STAT1: variants seen among roughly 807,000 people sequenced by gnomAD.
The protein encoded by STAT1 is signal transducer and activator of transcription 1, also known as signal transducer and activator of transcription 1-alpha/beta.
Under a neutral mutation model 111.7 loss-of-function variants are expected in STAT1, and 24 were observed. The ratio of observed to expected loss-of-function variants is 0.21; its 90% CI spans 0.16 to 0.30. The LOEUF (loss-of-function observed/expected upper bound fraction) is 0.30. Among genes scored for constraint, STAT1 ranks in the 10% least tolerant of loss-of-function variants. The pLI is 1.00. For missense variants in STAT1, 351 were observed against 911.9 expected (o/e 0.38, Z 7.92); for synonymous variants, 332 against 326.5 (o/e 1.02, Z -0.18).
rs541130237 is a variant in STAT1 at position 190,982,963 on chromosome 2, G to A, written c.1447-445C>T. 1.3e-5 allele frequency among the ~76,000 whole-genome samples: 2 copies of A among 152,180 alleles called. No homozygotes were observed. Among genetic ancestry groups the A allele is most frequent in the Non-Finnish European group, 2.9e-5 (2 of 68,028 alleles). On this transcript the variant is annotated intron_variant, in intron 17 of 24. Coordinates refer to ENST00000361099, the MANE Select transcript of STAT1 (RefSeq NM_007315.4). This position sits in a 1 kb window ranked among gnomAD's most constrained non-coding sequence, Gnocchi z 7.3. ...CTGTTGGTGATCCCTGTTTAAAATG[G>A]TGCCCGAGCATAGTACCACAGTGTG...
rs1045851098 is a variant in STAT1, at chr2:190,970,457, C to CT, written c.*245dup. The CT allele has an allele frequency of 5.3e-6, 3 of 567,272 alleles. No homozygotes were observed. Among genetic ancestry groups the CT allele is most frequent in the African/African-American group, 3.8e-5 (2 of 53,224 alleles). 35.1% of individuals were successfully genotyped at this position (567,272 alleles called of 1,614,324 possible). On this transcript the variant is annotated 3_prime_UTR_variant, in exon 25 of 25. Coordinates refer to ENST00000361099, the MANE Select transcript of STAT1 (RefSeq NM_007315.4). The surrounding 1 kb of genome is among the most constrained non-coding windows in gnomAD (Gnocchi z 5.4). ...TTTGGGTGTATCTGGATGTTTTTCACTTGTGAAACCCACTCTTCAGAGAAT... is the reference window on the plus strand; with the variant it reads ...TTTGGGTGTATCTGGATGTTTTTCACTTTGTGAAACCCACTCTTCAGAGAAT...
rs1693605139 is a variant in STAT1, at chr2:190,993,995, A to T, written c.944+1066T>A. Among the ~76,000 whole-genome samples the T allele has an allele frequency of 6.6e-6, 1 of 152,168 alleles. No individual in the cohort carries two copies. The highest frequency in any genetic ancestry group is 2.1e-4 in the South Asian group (1 of 4,834). On this transcript the variant is annotated intron_variant, in intron 10 of 24. Transcript: ENST00000361099. The surrounding 1 kb of genome is among the most constrained non-coding windows in gnomAD (Gnocchi z 4.1). ...AGAAATACATAACAACTATATAACA[A>T]AAGGCAGAGTAGGAAAGGAACGAAG...
In STAT1 at chr2:190,993,001, G is replaced by T; in HGVS notation, c.945-1681C>A. 1 of 266,670 alleles carries T rather than the reference G, an allele frequency of 3.7e-6. No homozygotes were observed. The highest frequency in any genetic ancestry group is 7.2e-6 in the Non-Finnish European group (1 of 138,878). The allele number at this position is 266,670 out of a possible 1,614,324, so 16.5% of individuals were successfully genotyped here. On this transcript the variant is annotated intron_variant, in intron 10 of 24. Transcript: ENST00000361099. This position sits in a 1 kb window ranked among gnomAD's most constrained non-coding sequence, Gnocchi z 4.1. ...GATGGGGTTTCATCATGTTGGCCAG[G>T]CTGCTCTCGAACTCCTGACCTCAGG... is the stretch of plus-strand genomic sequence containing the variant.
rs1048254024 is a variant in STAT1 at position 190,997,587 on chromosome 2, A to G, written c.785+269T>C. Reference sequence around the variant, plus strand: ...AAGTCATTAAATGTGTTCTATAACGACCATGTCACTGATGTTTTGTACAGT... The same window carrying G: ...AAGTCATTAAATGTGTTCTATAACGGCCATGTCACTGATGTTTTGTACAGT... On this transcript the variant is annotated intron_variant, in intron 9 of 24. Coordinates refer to ENST00000361099, the MANE Select transcript of STAT1 (RefSeq NM_007315.4). The surrounding 1 kb of genome is among the most constrained non-coding windows in gnomAD (Gnocchi z 7.3). Among the ~76,000 whole-genome samples the G allele has an allele frequency of 6.6e-6, 1 of 152,146 alleles. No homozygotes were observed. The highest frequency in any genetic ancestry group is 2.4e-5 in the African/African-American group (1 of 41,428).
Position 190,978,833 on chromosome 2 carries a change from T to C in STAT1, c.1873+23A>G, listed in dbSNP as rs1282510984. On this transcript the variant is annotated intron_variant, in intron 21 of 24. Transcript: ENST00000361099. This position sits in a 1 kb window ranked among gnomAD's most constrained non-coding sequence, Gnocchi z 6.1. ...CTTCACACACATGGAATGGTGGGAC[T>C]ATGTGCTCAAACTCCCACTCACCGC... 6.2e-7 allele frequency: 1 copy of C among 1,613,148 alleles called. No homozygotes were observed. The highest frequency in any genetic ancestry group is 8.5e-7 in the Non-Finnish European group (1 of 1,179,758).
rs1024338625 is a variant in STAT1 at position 190,998,518 on chromosome 2, C to T, written c.542-210G>A. ...AAAATACTTGTTTTCAAAAATTAGCCGGGCGCAGTGGCAGACGCCTGTAGT... is the reference window on the plus strand; with the variant it reads ...AAAATACTTGTTTTCAAAAATTAGCTGGGCGCAGTGGCAGACGCCTGTAGT... On this transcript the variant is annotated intron_variant, in intron 7 of 24. Transcript: ENST00000361099. This position sits in a 1 kb window ranked among gnomAD's most constrained non-coding sequence, Gnocchi z 4.1. Among the ~76,000 whole-genome samples the T allele has an allele frequency of 5.9e-5, 9 of 151,816 alleles. No homozygotes were observed. The highest frequency in any genetic ancestry group is 1.7e-4 in the African/African-American group (7 of 41,322).
chr2:190,992,083 G>A (rs1163847646), intron 10 of STAT1, among the ~76,000 whole-genome samples: 2 of 152,058 alleles, frequency 1.3e-5, no homozygotes, highest in East Asian at 3.8e-4. Context: ...CAGTTGTTTT[G>A]TTACATAGTA....
chr2:190,972,816 G>GGTGTGGGT (rs1691602688), intron 24 of STAT1, among the ~76,000 whole-genome samples: 1 of 136,354 alleles, frequency 7.3e-6, no homozygotes, highest in Non-Finnish European at 1.6e-5. Context: ...GTGTATAGAG[G>GGTGTGGGT]GTGTGTGTGT....
rs2125001047 is a variant in STAT1 at position 190,977,084 on chromosome 2, A to C, written c.1874-59T>G. The C allele has an allele frequency of 6.4e-7, 1 of 1,562,986 alleles. No homozygotes were observed. The highest frequency in any genetic ancestry group is 8.8e-7 in the Non-Finnish European group (1 of 1,134,328). On this transcript the variant is annotated intron_variant, in intron 21 of 24. Transcript: ENST00000361099. This position sits in a 1 kb window ranked among gnomAD's most constrained non-coding sequence, Gnocchi z 4.7. Reference sequence around the variant, plus strand: ...AACATCCCAAAATGAAAGAGGACAGAGAAATAAAACACTGCAGAGTTGATG... The same window carrying C: ...AACATCCCAAAATGAAAGAGGACAGCGAAATAAAACACTGCAGAGTTGATG...
rs1022179705 is a variant in STAT1 at position 190,986,094 on chromosome 2, G to A, written c.1222-434C>T. ...GCTGTCAATCCCTGAGCTGACGAGG[G>A]AGCAGGCTGGGGCCCTGAGGGCGGC... is the stretch of plus-strand genomic sequence containing the variant. On this transcript the variant is annotated intron_variant, in intron 14 of 24. Transcript: ENST00000361099. The surrounding 1 kb of genome is among the most constrained non-coding windows in gnomAD (Gnocchi z 5.0). Among the ~76,000 whole-genome samples the A allele has an allele frequency of 6.6e-6, 1 of 152,210 alleles. No individual in the cohort carries two copies. The highest frequency in any genetic ancestry group is 2.1e-4 in the South Asian group (1 of 4,828).
Position 191,012,433 on chromosome 2 carries a change from G to A in STAT1, c.-2+1092C>T, listed in dbSNP as rs77998036. On this transcript the variant is annotated intron_variant, in intron 2 of 24. Coordinates refer to ENST00000361099, the MANE Select transcript of STAT1 (RefSeq NM_007315.4). The surrounding 1 kb of genome is among the most constrained non-coding windows in gnomAD (Gnocchi z 4.0). ...TCTGTCTCTAAAAAAAAAAAACAATGAATAAATAAGCTCATGTTCACAAAT... is the reference window on the plus strand; with the variant it reads ...TCTGTCTCTAAAAAAAAAAAACAATAAATAAATAAGCTCATGTTCACAAAT... 6.6e-6 allele frequency among the ~76,000 whole-genome samples: 1 copy of A among 151,070 alleles called. No individual in the cohort carries two copies. The highest frequency in any genetic ancestry group is 1.5e-5 in the Non-Finnish European group (1 of 67,744).
In STAT1 at chr2:190,996,874, T is replaced by C. The variant is rs943545445; in HGVS notation, c.785+982A>G. On this transcript the variant is annotated intron_variant, in intron 9 of 24. Coordinates refer to ENST00000361099, the MANE Select transcript of STAT1 (RefSeq NM_007315.4). The surrounding 1 kb of genome is among the most constrained non-coding windows in gnomAD (Gnocchi z 4.5). ...CACCTGGACCACACTAATATGCTAA[T>C]AGTATTCCAACTGGTCTTTCTGTCT... 1.3e-5 allele frequency among the ~76,000 whole-genome samples: 2 copies of C among 152,176 alleles called. No homozygotes were observed. The highest frequency in any genetic ancestry group is 4.8e-5 in the African/African-American group (2 of 41,442).
rs1299261301 is a variant in STAT1 at position 190,983,892 on chromosome 2, CCAG to C, written c.1348-155_1348-153del. On this transcript the variant is annotated intron_variant, in intron 16 of 24. Coordinates refer to ENST00000361099, the MANE Select transcript of STAT1 (RefSeq NM_007315.4). The surrounding 1 kb of genome is among the most constrained non-coding windows in gnomAD (Gnocchi z 5.7). ...GAAGTGTTAAGTTCTGTTCTTCTGT[CCAG>C]TTTAACTTGTCTTTGATGTATCTTT... The C allele has an allele frequency of 2.8e-6, 2 of 723,028 alleles. No homozygotes were observed. Among genetic ancestry groups the C allele is most frequent in the Non-Finnish European group, 4.9e-6 (2 of 410,694 alleles). 44.8% of individuals were successfully genotyped at this position (723,028 alleles called of 1,614,324 possible). A position where few individuals can be genotyped will look rare whatever the true frequency, so the allele number is the denominator to read the frequency against.
rs920215231 is a variant in STAT1, at chr2:190,981,246, T to C, written c.1583-577A>G. ...ACAGAATTTTTTTCAAAGTTCAACC[T>C]AGGTGCCCAAGATCACCCCTAGATC... On this transcript the variant is annotated intron_variant, in intron 18 of 24. Coordinates refer to ENST00000361099, the MANE Select transcript of STAT1 (RefSeq NM_007315.4). This position sits in a 1 kb window ranked among gnomAD's most constrained non-coding sequence, Gnocchi z 4.1. 6.6e-6 allele frequency among the ~76,000 whole-genome samples: 1 copy of C among 152,204 alleles called. No individual in the cohort carries two copies. The highest frequency in any genetic ancestry group is 1.5e-5 in the Non-Finnish European group (1 of 68,022).
In STAT1 at chr2:190,982,479, C is replaced by G; in HGVS notation, c.1486G>C (p.Ala496Pro). The G allele has an allele frequency of 6.2e-7, 1 of 1,614,118 alleles. No individual in the cohort carries two copies. The highest frequency in any genetic ancestry group is 1.1e-5 in the South Asian group (1 of 91,074). ...FFLTPPCARW[A>P]QLSEVLSWQF... is the part of the protein sequence containing the mutation. ...CAACTCAGCACTTCTGAAAGCTGAG[C>G]CCATCGTGCACATGGTGGAGTCAGG... is the stretch of plus-strand genomic sequence containing the variant. The change falls in exon 18 of 25, where the codon GCT becomes CCT. Residue 496 changes from alanine (A) to proline (P), a missense_variant. Transcript: ENST00000361099. This position sits in a 1 kb window ranked among gnomAD's most constrained non-coding sequence, Gnocchi z 7.3.
chr2:190,975,134 T>C lies in STAT1; in HGVS notation c.2136-202A>G, dbSNP rs1559005003. On this transcript the variant is annotated intron_variant, in intron 23 of 24. Coordinates refer to ENST00000361099, the MANE Select transcript of STAT1 (RefSeq NM_007315.4). This position sits in a 1 kb window ranked among gnomAD's most constrained non-coding sequence, Gnocchi z 5.9. ...GTCCCCAGCCCAGCCCCTTGGGAAATGTTTCACACTCCAGGGATGTGATAA... is the reference window on the plus strand; with the variant it reads ...GTCCCCAGCCCAGCCCCTTGGGAAACGTTTCACACTCCAGGGATGTGATAA... Among the ~76,000 whole-genome samples the C allele has an allele frequency of 6.6e-6, 1 of 152,158 alleles. No homozygotes were observed. The highest frequency in any genetic ancestry group is 2.4e-5 in the African/African-American group (1 of 41,444).
intron 24 of STAT1, among the ~76,000 whole-genome samples, chr2:190,972,009 G>A (rs954318178): frequency 6.6e-6 from 1 of 152,102 alleles, no homozygotes; most frequent in Non-Finnish European, 1.5e-5. Flanking sequence ...CACCGCGCCC[G>A]GCCTGGCTGA....
intron 2 of STAT1, among the ~76,000 whole-genome samples, chr2:191,013,048 G>T (rs1299416380): frequency 6.6e-6 from 1 of 152,034 alleles, no homozygotes; most frequent in Non-Finnish European, 1.5e-5. Flanking sequence ...AGAGTAGTGG[G>T]GTATTTTGCT....
intron 4 of STAT1, chr2:191,008,040 G>T (rs1292456841): frequency 2.2e-6 from 1 of 457,134 alleles, no homozygotes; most frequent in Non-Finnish European, 4.4e-6. Flanking sequence ...GCATCTGTTG[G>T]TCTAAGCTTT....
Sources: allele counts gnomAD v4.1 joint callset (sites outside exome capture counted in the v4.1 genomes callset), GRCh38; gene constraint gnomAD v4.1.1; non-coding constraint Gnocchi (gnomAD v3.1); transcripts MANE v1.5; gene names NCBI Gene and HGNC (gene_info 2026-07-23, HGNC 2026-07-21).